Variants in KBTBD11 observed in about 807,000 individuals in gnomAD.
KBTBD11 encodes the protein kelch repeat and BTB domain-containing protein 11.
For missense variants in KBTBD11, 1,390 were observed against 1,001.8 expected (o/e 1.39, Z -5.23); for synonymous variants, 747 against 499.0 (o/e 1.50, Z -6.63).
Position 2,000,781 on chromosome 8 carries a change from G to A in KBTBD11, c.-412G>A, listed in dbSNP as rs1018365592. ...CCAGCGTTGCAAAGAGGGATAGCTA[G>A]TCACTCAGGCTGCAGAGAGAGACAC... On this transcript the variant is annotated 5_prime_UTR_variant, in exon 2 of 2. Transcript: ENST00000320248. 3 of 174,960 alleles carry A rather than the reference G, an allele frequency of 1.7e-5. No homozygotes were observed. Among genetic ancestry groups the A allele is most frequent in the East Asian group, 1.4e-4 (1 of 7,312 alleles). 10.8% of individuals were successfully genotyped at this position (174,960 alleles called of 1,614,324 possible). A position where few individuals can be genotyped will look rare whatever the true frequency, so the allele number is the denominator to read the frequency against.
intron 1 of KBTBD11, chr8:1,974,404 G>C: frequency 1.0e-6 from 1 of 984,816 alleles, no homozygotes; most frequent in Non-Finnish European, 1.2e-6. Context: ...CAAGCGCGCG[G>C]GGCCAGGGCG....
chr8:1,987,369 T>C lies in KBTBD11; in HGVS notation c.-908-12916T>C, dbSNP rs563138868. On this transcript the variant is annotated intron_variant, in intron 1 of 1. Coordinates refer to ENST00000320248, the MANE Select transcript of KBTBD11 (RefSeq NM_014867.3). ...CAGTGTTAGCGTGACACAAAACCCA[T>C]CTAGGAGTCGCTCAATCAATCCTTT... Among the ~76,000 whole-genome samples, 15 of 152,272 alleles carry C rather than the reference T, an allele frequency of 9.9e-5. No individual in the cohort carries two copies. In the South Asian group the frequency reaches 1.4e-3, roughly 15 times the overall value.
At chr8:1,987,653 C>CT (rs1816748731) in intron 1 of KBTBD11, among the ~76,000 whole-genome samples, 1 of 152,134 alleles carries the variant, frequency 6.6e-6, no homozygotes, top group Non-Finnish European at 1.5e-5. Context: ...TGCAGCATAA[C>CT]TTTCACATTC....
At chr8:1,998,627 C>A (rs1308557170) in intron 1 of KBTBD11, among the ~76,000 whole-genome samples, 1 of 152,192 alleles carries the variant, frequency 6.6e-6, no homozygotes, top group Non-Finnish European at 1.5e-5. Context: ...AAGTTTACTA[C>A]ACTGGATTTT....
chr8:2,003,042 G>A lies in KBTBD11; in HGVS notation c.1850G>A (p.Arg617Gln). 1.6e-6 allele frequency: 2 copies of A among 1,273,028 alleles called. No individual in the cohort carries two copies. Among genetic ancestry groups the A allele is most frequent in the Non-Finnish European group, 2.0e-6 (2 of 1,007,634 alleles). 78.9% of individuals were successfully genotyped at this position (1,273,028 alleles called of 1,614,324 possible). Reference protein sequence around the residue: ...FALSLPEKPPRGEQGAP With the variant: ...FALSLPEKPPQGEQGAP ...CTCAGCCTGCCTGAGAAGCCGCCCCGAGGGGAGCAGGGCGCCCCGTAGGCC... is the reference window on the plus strand; with the variant it reads ...CTCAGCCTGCCTGAGAAGCCGCCCCAAGGGGAGCAGGGCGCCCCGTAGGCC... The change falls in exon 2 of 2, where the codon CGA becomes CAA. Residue 617 changes from arginine (R) to glutamine (Q), a missense_variant. Transcript: ENST00000320248.
rs1218922448 is a variant in KBTBD11, at chr8:2,001,558, G to T, written c.366G>T (p.Glu122Asp). The change falls in exon 2 of 2, where the codon GAG (glutamate) becomes GAT (aspartate). Residue 122 changes from glutamate to aspartate, a missense_variant. Coordinates refer to ENST00000320248, the MANE Select transcript of KBTBD11 (RefSeq NM_014867.3). ...TTGAGGACCCCGCGTCCCCCGAGGAGCCCGGGGAGCCCGCGCCCGTACCCC... is the reference window on the plus strand; with the variant it reads ...TTGAGGACCCCGCGTCCCCCGAGGATCCCGGGGAGCCCGCGCCCGTACCCC... ...VWLEDPASPE[E>D]PGEPAPVPPG... The T allele has an allele frequency of 1.4e-6, 2 of 1,432,972 alleles. No homozygotes were observed. Among genetic ancestry groups the T allele is most frequent in the Admixed American group, 5.5e-5 (2 of 36,370 alleles). The allele number at this position is 1,432,972 out of a possible 1,614,324, so 88.8% of individuals were successfully genotyped here.
chr8:1,974,121 A>AG (rs1816228352), intron 1 of KBTBD11, among the ~76,000 whole-genome samples, 186 bp downstream of exon 1: 7 of 2,190 alleles, frequency 3.2e-3, no homozygotes, highest in Non-Finnish European at 4.8e-3. Flanking sequence ...GAGGGAGGGG[A>AG]GCGGAGCGGA....
At chr8:1,993,960 A>ACACACACACACACACACACACACAC (rs1817037341) in intron 1 of KBTBD11, among the ~76,000 whole-genome samples, 1 of 71,740 alleles carries the variant, frequency 1.4e-5, no homozygotes, top group African/African-American at 3.7e-5. Flanking sequence ...CACACACACA[A>ACACACACACACACACACACACACAC]AACCCCATAG....
At chr8:1,998,569 C>T (rs1055243680) in intron 1 of KBTBD11, among the ~76,000 whole-genome samples, 10 of 152,018 alleles carry the variant, frequency 6.6e-5, no homozygotes, top group Non-Finnish European at 8.8e-5. Context: ...ACAGTCCAGC[C>T]AGAGAAAGAA....
intron 1 of KBTBD11, among the ~76,000 whole-genome samples, chr8:1,992,400 A>G (rs1816952300): frequency 6.6e-6 from 1 of 151,926 alleles, no homozygotes; most frequent in African/African-American, 2.4e-5. Context: ...GCAGGGGAGG[A>G]AGGGCCAGAC....
chr8:1,977,912 G>A lies in KBTBD11; in HGVS notation c.-909+3977G>A, dbSNP rs1336845914. The stretch of plus-strand genomic sequence containing the variant: ...CCATTCCTGCAAGATGCAGTTCACA[G>A]TTCTGAATATTCGTATCACGACCCT... On this transcript the variant is annotated intron_variant, in intron 1 of 1. Transcript: ENST00000320248. Among the ~76,000 whole-genome samples, 154 of 152,172 alleles carry A rather than the reference G, an allele frequency of 1.0e-3. 2 individuals are homozygous for A. Among genetic ancestry groups the A allele is most frequent in the South Asian group, 2.1e-4 (1 of 4,834 alleles).
At chr8:1,980,302 C>T (rs1240474571) in intron 1 of KBTBD11, among the ~76,000 whole-genome samples, 1 of 149,524 alleles carries the variant, frequency 6.7e-6, no homozygotes, top group African/African-American at 2.5e-5. Context: ...TCTCAGCTCA[C>T]TGCAAGCTCC....
chr8:1,981,921 A>G (rs544426225), intron 1 of KBTBD11, among the ~76,000 whole-genome samples: 1 of 152,150 alleles, frequency 6.6e-6, no homozygotes, highest in Non-Finnish European at 1.5e-5. Context: ...CAGCTTGCAG[A>G]TAGCCTGTTG....
chr8:1,995,321 C>T lies in KBTBD11; in HGVS notation c.-908-4964C>T, dbSNP rs192629312. ...GAATCCTGAAGGCAGACACTAAGAG[C>T]AGAAGCCACTTTTCTCATTCCCCAG... is the stretch of plus-strand genomic sequence containing the variant. On this transcript the variant is annotated intron_variant, in intron 1 of 1. Coordinates refer to ENST00000320248, the MANE Select transcript of KBTBD11 (RefSeq NM_014867.3). Among the ~76,000 whole-genome samples the T allele has an allele frequency of 2.3e-3, 343 of 152,192 alleles. 1 individual carries two copies. Among genetic ancestry groups the T allele is most frequent in the African/African-American group, 8.0e-3 (333 of 41,508 alleles).
chr8:1,989,097 A>T (rs1585737163), intron 1 of KBTBD11, among the ~76,000 whole-genome samples: 1 of 152,180 alleles, frequency 6.6e-6, no homozygotes, highest in South Asian at 2.1e-4. Context: ...AGAGTCTTTC[A>T]GCCGGTGCCT....
chr8:2,002,269 C>T lies in KBTBD11; in HGVS notation c.1077C>T (p.Asn359=). 1 of 1,325,262 alleles carries T rather than the reference C, an allele frequency of 7.5e-7. No homozygotes were observed. The highest frequency in any genetic ancestry group is 9.6e-7 in the Non-Finnish European group (1 of 1,046,244). The allele number at this position is 1,325,262 out of a possible 1,614,324, so 82.1% of individuals were successfully genotyped here. A position where few individuals can be genotyped will look rare whatever the true frequency, so the allele number is the denominator to read the frequency against. The change falls in exon 2 of 2, where the codon AAC becomes AAT. Residue 359 remains asparagine, a synonymous_variant. Transcript: ENST00000320248. This position sits in a 1 kb window ranked among gnomAD's most constrained non-coding sequence, Gnocchi z 4.1. ...GCTGCGGCCTGTGCGTCCTCTACAA[C>T]TACCTCTTCGTGGCGGGCGGCGTGG... The part of the protein sequence containing the change: ...ARGCGLCVLY[N]YLFVAGGVAP...
chr8:1,993,844 A>T (rs999986883), intron 1 of KBTBD11, among the ~76,000 whole-genome samples: 5 of 151,634 alleles, frequency 3.3e-5, no homozygotes, highest in African/African-American at 1.2e-4. Context: ...TCTGCTTCTC[A>T]AACCAGGATG....
At chr8:1,988,791 G>T (rs1243648846) in intron 1 of KBTBD11, among the ~76,000 whole-genome samples, 1 of 151,944 alleles carries the variant, frequency 6.6e-6, no homozygotes, top group Non-Finnish European at 1.5e-5. Context: ...TAGCTGGCGC[G>T]CTGTCTGGCA....
At chr8:1,996,597 A>T (rs939555309) in intron 1 of KBTBD11, among the ~76,000 whole-genome samples, 1 of 152,102 alleles carries the variant, frequency 6.6e-6, no homozygotes, top group Non-Finnish European at 1.5e-5. Flanking sequence ...CATACCACAG[A>T]AGTTTACATA....
Sources: gnomAD v4.1 joint callset for allele counts (sites outside exome capture counted in the v4.1 genomes callset) on GRCh38, gnomAD v4.1.1 for gene constraint, Gnocchi (gnomAD v3.1) non-coding constraint, MANE v1.5 for transcripts, NCBI Gene and HGNC (gene_info 2026-07-23, HGNC 2026-07-21) for gene names.